The following CDH20 variants were observed in gnomAD, a reference collection of about 807,000 sequenced individuals.
CDH20 encodes the protein cadherin-20.
Under a neutral mutation model 74.2 loss-of-function variants are expected in CDH20, and 29 were observed. That is an observed-to-expected ratio of 0.39 (90% CI 0.29 to 0.53). CDH20 has a LOEUF of 0.53. Ranked by LOEUF, CDH20 falls within the 20% of genes least tolerant of loss-of-function variation. The pLI is 0.69. For missense variants in CDH20, 988 were observed against 1,048.3 expected (o/e 0.94, Z 0.79); for synonymous variants, 469 against 405.4 (o/e 1.16, Z -1.88).
At chr18:61,482,136 G>T (rs75562469) in intron 1 of CDH20, among the ~76,000 whole-genome samples, 5,065 of 152,222 alleles carry the variant, frequency 0.033, 108 homozygotes, top group Non-Finnish European at 0.05. Flanking sequence ...GTATCTCAGG[G>T]AGGGGTGAGG....
intron 1 of CDH20, among the ~76,000 whole-genome samples, chr18:61,452,599 A>G (rs1242394051): frequency 6.6e-6 from 1 of 152,226 alleles, no homozygotes; most frequent in Non-Finnish European, 1.5e-5. Context: ...CCATATACAA[A>G]CAGGTATAAA....
intron 10 of CDH20, among the ~76,000 whole-genome samples, chr18:61,545,621 AG>A (rs1913221592): frequency 6.6e-6 from 1 of 151,558 alleles, no homozygotes. Context: ...TGAGAAAGAT[AG>A]AAAGTGATCT....
At chr18:61,516,243 C>T (rs1179735504) in intron 6 of CDH20, among the ~76,000 whole-genome samples, 1 of 152,190 alleles carries the variant, frequency 6.6e-6, no homozygotes, top group Non-Finnish European at 1.5e-5. Context: ...TTAATACTCA[C>T]ATTGGGAAAC....
intron 2 of CDH20, among the ~76,000 whole-genome samples, chr18:61,495,713 G>C (rs661050): frequency 1 from 151,991 of 152,256 alleles, 75,864 homozygotes; most frequent in Middle Eastern, 1. Context: ...CACCTCCCTT[G>C]TGTGTTGCCC....
At chr18:61,340,681 C>T (rs142348910) in intron 1 of CDH20, among the ~76,000 whole-genome samples, 15 of 152,244 alleles carry the variant, frequency 9.9e-5, no homozygotes, top group African/African-American at 3.4e-4. Flanking sequence ...ATCATATTCA[C>T]GATTGTTTCA....
chr18:61,543,678 G>T (rs569464617), intron 9 of CDH20, among the ~76,000 whole-genome samples: 10 of 152,272 alleles, frequency 6.6e-5, no homozygotes, highest in Admixed American at 5.9e-4. Flanking sequence ...CTACTCTGGG[G>T]ATCCTGTGCT....
chr18:61,414,388 C>G (rs990381509), intron 1 of CDH20, among the ~76,000 whole-genome samples: 1 of 152,140 alleles, frequency 6.6e-6, no homozygotes, highest in African/African-American at 2.4e-5. Context: ...TCTCCTATGA[C>G]CCTCACATTG....
chr18:61,397,754 G>C (rs1293310900), intron 1 of CDH20, among the ~76,000 whole-genome samples: 1 of 152,154 alleles, frequency 6.6e-6, no homozygotes, highest in Non-Finnish European at 1.5e-5. Context: ...CCTTAGGCAA[G>C]TTACTCAACC....
At chr18:61,472,610 C>T (rs909688085) in intron 1 of CDH20, among the ~76,000 whole-genome samples, 6 of 152,076 alleles carry the variant, frequency 3.9e-5, no homozygotes, top group Non-Finnish European at 5.9e-5. Flanking sequence ...CATATCTTTA[C>T]GAAATGTTCA....
At chr18:61,402,204 G>A (rs946027919) in intron 1 of CDH20, among the ~76,000 whole-genome samples, 3 of 152,164 alleles carry the variant, frequency 2.0e-5, no homozygotes, top group African/African-American at 7.2e-5. Context: ...GCATTCTGGT[G>A]CTGATGGAAC....
At chr18:61,426,056 T>A (rs191147030) in intron 1 of CDH20, among the ~76,000 whole-genome samples, 119 of 152,318 alleles carry the variant, frequency 7.8e-4, no homozygotes, top group African/African-American at 2.8e-3. Flanking sequence ...TGATCTTGTA[T>A]CCTGCAACTT....
chr18:61,339,681 ATTTT>A (rs898945778), intron 1 of CDH20, among the ~76,000 whole-genome samples: 3 of 88,420 alleles, frequency 3.4e-5, no homozygotes, highest in African/African-American at 1.3e-4. Context: ...GGTCATAGAA[ATTTT>A]TTTTTTTTTT....
intron 1 of CDH20, among the ~76,000 whole-genome samples, chr18:61,391,916 C>T (rs1001181824): frequency 6.6e-6 from 1 of 152,136 alleles, no homozygotes; most frequent in African/African-American, 2.4e-5. Context: ...CTTCCTCCAT[C>T]TCCTTCATTA....
At chr18:61,390,994 T>G (rs955257596) in intron 1 of CDH20, among the ~76,000 whole-genome samples, 1 of 151,496 alleles carries the variant, frequency 6.6e-6, no homozygotes, top group South Asian at 2.1e-4. Flanking sequence ...GTGAAAAAAA[T>G]ATACATATGG....
At position 61,392,295 on chromosome 18, in the gene CDH20, T is replaced by C. The variant is rs748052878; in HGVS notation, c.-153+58468T>C. ...GCCCATTAATGCCTCTAGACCTTTATGCACTCAGCACAGATGTCATGTCCT... is the reference window on the plus strand; with the variant it reads ...GCCCATTAATGCCTCTAGACCTTTACGCACTCAGCACAGATGTCATGTCCT... On this transcript the variant is annotated intron_variant, in intron 1 of 11. Transcript: ENST00000262717. Among the ~76,000 whole-genome samples the C allele has an allele frequency of 8.0e-4, 121 of 152,098 alleles. 2 individuals are homozygous for C. The highest frequency in any genetic ancestry group is 2.0e-4 in the Admixed American group (3 of 15,266).
At chr18:61,513,546 T>C (rs531093844) in intron 6 of CDH20, among the ~76,000 whole-genome samples, 1 of 148,456 alleles carries the variant, frequency 6.7e-6, no homozygotes, top group African/African-American at 2.5e-5. Flanking sequence ...GCCATTACGA[T>C]GTTAGCTGGT....
intron 1 of CDH20, among the ~76,000 whole-genome samples, chr18:61,377,331 C>G (rs143661000): frequency 6.6e-6 from 1 of 151,998 alleles, no homozygotes; most frequent in African/African-American, 2.4e-5. Flanking sequence ...CAGATAAACC[C>G]TATTACAATG....
chr18:61,481,614 T>C (rs1910592079), intron 1 of CDH20, among the ~76,000 whole-genome samples: 1 of 152,250 alleles, frequency 6.6e-6, no homozygotes, highest in African/African-American at 2.4e-5. Context: ...CAAATTTTTC[T>C]TTTTCTTGAA....
chr18:61,529,338 T>A (rs185824150), intron 7 of CDH20, among the ~76,000 whole-genome samples: 1 of 152,354 alleles, frequency 6.6e-6, no homozygotes, highest in East Asian at 1.9e-4. Context: ...TTGTATTTAA[T>A]GAAAACGTGC....
Sources: gnomAD v4.1 joint callset for allele counts (sites outside exome capture counted in the v4.1 genomes callset) on GRCh38, gnomAD v4.1.1 for gene constraint, MANE v1.5 for transcripts, NCBI Gene and HGNC (gene_info 2026-07-23, HGNC 2026-07-21) for gene names.